The following ACSBG1 variants were observed in gnomAD, a reference collection of about 807,000 sequenced individuals.
ACSBG1 encodes the protein long-chain-fatty-acid--CoA ligase ACSBG1.
ACSBG1 carries 39 observed loss-of-function variants against 80.2 expected under a neutral mutation model. The ratio of observed to expected loss-of-function variants is 0.49; its 90% CI spans 0.38 to 0.64. ACSBG1 has a LOEUF of 0.64. ACSBG1 is among the 30% of genes least tolerant of loss of function. The pLI is 0.00. For synonymous variants in ACSBG1, 392 were observed against 379.5 expected, an observed-to-expected ratio of 1.03 and a Z score of -0.38; for missense variants, 828 against 966.4, an observed-to-expected ratio of 0.86 and a Z score of 1.90.
intron 1 of ACSBG1, among the ~76,000 whole-genome samples, chr15:78,220,523 G>GA: frequency 6.6e-6 from 1 of 152,152 alleles, no homozygotes; most frequent in South Asian, 2.1e-4. Context: ...TCAAGAAAGT[G>GA]AAAAATTAAC....
chr15:78,219,168 G>A (rs907927708), intron 1 of ACSBG1, among the ~76,000 whole-genome samples: 2 of 152,078 alleles, frequency 1.3e-5, no homozygotes, highest in Non-Finnish European at 2.9e-5. Context: ...GCTCTATGAG[G>A]TCCTTGGCAC....
intron 2 of ACSBG1, among the ~76,000 whole-genome samples, chr15:78,198,716 A>C (rs577625807): frequency 1.3e-5 from 2 of 152,360 alleles, no homozygotes; most frequent in African/African-American, 4.8e-5. Context: ...TTAGCAGTCT[A>C]TGACAGAAAA....
intron 1 of ACSBG1, among the ~76,000 whole-genome samples, chr15:78,233,094 T>C (rs1187665326): frequency 6.6e-6 from 1 of 152,146 alleles, no homozygotes; most frequent in Non-Finnish European, 1.5e-5. Flanking sequence ...CCAGAGGAGA[T>C]CCTGAATCTG....
At chr15:78,211,679 T>G (rs1453331765) in intron 1 of ACSBG1, among the ~76,000 whole-genome samples, 1 of 152,178 alleles carries the variant, frequency 6.6e-6, no homozygotes, top group Non-Finnish European at 1.5e-5. Flanking sequence ...CAGAGGAGCC[T>G]GGGAGCGTCT....
chr15:78,190,316 G>A (rs2075045961), intron 5 of ACSBG1, among the ~76,000 whole-genome samples: 1 of 151,398 alleles, frequency 6.6e-6, no homozygotes, highest in Non-Finnish European at 1.5e-5. Context: ...CACAAACATT[G>A]TTATTACTCT....
intron 2 of ACSBG1, among the ~76,000 whole-genome samples, chr15:78,204,025 G>C (rs1475538802): frequency 6.6e-6 from 1 of 152,160 alleles, no homozygotes; most frequent in Non-Finnish European, 1.5e-5. Flanking sequence ...GAGAGATAAG[G>C]ACAAGACCTA....
chr15:78,211,396 G>A (rs1416802180), intron 1 of ACSBG1, among the ~76,000 whole-genome samples: 1 of 152,232 alleles, frequency 6.6e-6, no homozygotes, highest in Non-Finnish European at 1.5e-5. Context: ...AATAATGGTG[G>A]AAGAACGGCC....
chr15:78,169,361 T>C lies in ACSBG1; in HGVS notation c.*2083A>G, dbSNP rs1307307648. ...GATACAGAATTAACAAGAGAAAATG[T>C]CTAACTTTTTAAGAAAAACCTTATT... On this transcript the variant is annotated 3_prime_UTR_variant, in exon 14 of 14. Coordinates refer to ENST00000258873, the MANE Select transcript of ACSBG1 (RefSeq NM_015162.5). 1 of 162,014 alleles carries C rather than the reference T, an allele frequency of 6.2e-6. No homozygotes were observed. The highest frequency in any genetic ancestry group is 2.4e-5 in the African/African-American group (1 of 41,944). 10.0% of individuals were successfully genotyped at this position (162,014 alleles called of 1,614,324 possible). A position where few individuals can be genotyped will look rare whatever the true frequency, so the allele number is the denominator to read the frequency against.
intron 2 of ACSBG1, among the ~76,000 whole-genome samples, chr15:78,195,361 T>C (rs910991636): frequency 2.6e-5 from 4 of 152,212 alleles, no homozygotes; most frequent in Admixed American, 1.3e-4. Context: ...TTCAGTCATT[T>C]ATCGAAGATC....
At chr15:78,225,433 A>AAATAAATT (rs1491288043) in intron 1 of ACSBG1, among the ~76,000 whole-genome samples, 1 of 146,976 alleles carries the variant, frequency 6.8e-6, no homozygotes, top group African/African-American at 2.5e-5. Flanking sequence ...ATAAATAAAT[A>AAATAAATT]AAAATAAATT....
chr15:78,218,802 C>T (rs1351229448), intron 1 of ACSBG1, among the ~76,000 whole-genome samples: 1 of 40,100 alleles, frequency 2.5e-5, no homozygotes, highest in Non-Finnish European at 6.3e-5. Context: ...GACGGAGTAT[C>T]GCTCTCCTTT....
rs17479031 is a variant in ACSBG1, at chr15:78,179,612, G to A, written c.1422C>T (p.Tyr474=). The A allele has an allele frequency of 0.071, 115,079 of 1,614,088 alleles. 4,881 individuals carry two copies. Among genetic ancestry groups the A allele is most frequent in the South Asian group, 0.17 (15,793 of 91,082 alleles). The part of the protein sequence containing the change: ...LGLNIRLYAG[Y]GLSETSGPHF... ...GGGGGCCTGAGGTCTCACTGAGGCCGTAGCCCGCATACAAGCGGATGTTGA... is the reference window on the plus strand; with the variant it reads ...GGGGGCCTGAGGTCTCACTGAGGCCATAGCCCGCATACAAGCGGATGTTGA... The change falls in exon 10 of 14, where the codon TAC becomes TAT. Residue 474 remains tyrosine, a synonymous_variant. Transcript: ENST00000258873.
At chr15:78,228,635 G>C (rs2075422976) in intron 1 of ACSBG1, among the ~76,000 whole-genome samples, 1 of 152,192 alleles carries the variant, frequency 6.6e-6, no homozygotes, top group Non-Finnish European at 1.5e-5. Context: ...TCTAGGACCA[G>C]GGTTGGTTTG....
At chr15:78,193,751 G>T in intron 4 of ACSBG1, 125 bp from the exon 5 acceptor site, 1 of 1,430,522 alleles carries the variant, frequency 7.0e-7, no homozygotes, top group Non-Finnish European at 9.3e-7. Flanking sequence ...GGGCTCCCAA[G>T]GCACCTGAGC....
At chr15:78,212,141 G>A (rs2075272100) in intron 1 of ACSBG1, among the ~76,000 whole-genome samples, 1 of 152,224 alleles carries the variant, frequency 6.6e-6, no homozygotes, top group Non-Finnish European at 1.5e-5. Context: ...CCACTGTTGT[G>A]TATGAAGTAG....
intron 5 of ACSBG1, among the ~76,000 whole-genome samples, chr15:78,192,125 G>C (rs987768455): frequency 6.6e-6 from 1 of 152,120 alleles, no homozygotes; most frequent in Non-Finnish European, 1.5e-5. Context: ...CAGAGGCCTG[G>C]GTGATGCGTC....
intron 1 of ACSBG1, among the ~76,000 whole-genome samples, chr15:78,216,433 G>C (rs1392000538): frequency 6.6e-6 from 1 of 152,190 alleles, no homozygotes; most frequent in Non-Finnish European, 1.5e-5. Context: ...TGGGAGGCTA[G>C]CGCAGAGGAG....
At chr15:78,190,043 G>A (rs2141342864) in intron 5 of ACSBG1, among the ~76,000 whole-genome samples, 1 of 152,218 alleles carries the variant, frequency 6.6e-6, no homozygotes, top group African/African-American at 2.4e-5. Flanking sequence ...AAGGAAGACA[G>A]AGTATCAGAA....
intron 1 of ACSBG1, chr15:78,209,191 G>A (rs924806112): frequency 1.3e-5 from 6 of 455,852 alleles, no homozygotes; most frequent in South Asian, 3.1e-5. Context: ...TGCAGGTTCC[G>A]AACAAAACTA....
Sources: gnomAD v4.1 joint callset for allele counts (sites outside exome capture counted in the v4.1 genomes callset) on GRCh38, gnomAD v4.1.1 for gene constraint, MANE v1.5 for transcripts, NCBI Gene and HGNC (gene_info 2026-07-23, HGNC 2026-07-21) for gene names.